Variants in TSPAN9 observed in about 807,000 individuals in gnomAD.
The protein encoded by TSPAN9 is tetraspanin-9.
TSPAN9 carries 16 observed loss-of-function variants against 31.0 expected under a neutral mutation model. The observed-to-expected ratio is 0.52, with a 90% CI of 0.35 to 0.78. The LOEUF (loss-of-function observed/expected upper bound fraction) is 0.78. Ranked by LOEUF, TSPAN9 falls within the 30% of genes least tolerant of loss-of-function variation. The pLI is 0.01. For missense variants in TSPAN9, 272 were observed against 312.5 expected, an observed-to-expected ratio of 0.87 and a Z score of 0.98; for synonymous variants, 145 against 121.6, an observed-to-expected ratio of 1.19 and a Z score of -1.27.
chr12:3,208,887 G>A (rs755625020), intron 3 of TSPAN9, among the ~76,000 whole-genome samples: 2 of 152,146 alleles, frequency 1.3e-5, no homozygotes, highest in African/African-American at 4.8e-5. Flanking sequence ...GCATCATTTA[G>A]TTTGACTGAT....
chr12:3,245,941 A>G (rs917934929), intron 3 of TSPAN9, among the ~76,000 whole-genome samples: 1 of 151,896 alleles, frequency 6.6e-6, no homozygotes, highest in Admixed American at 6.5e-5. Context: ...TCTGCCCAGC[A>G]AAGATTCTTC....
At chr12:3,282,990 G>T in intron 8 of TSPAN9, 55 bp from the exon 9 acceptor site, 1 of 1,585,078 alleles carries the variant, frequency 6.3e-7, no homozygotes, top group Non-Finnish European at 8.6e-7. Flanking sequence ...TCGGGGCTGA[G>T]GTCAGGTCCA....
intron 2 of TSPAN9, among the ~76,000 whole-genome samples, chr12:3,193,390 G>A (rs180917996): frequency 3.9e-5 from 6 of 152,320 alleles, no homozygotes; most frequent in Non-Finnish European, 5.9e-5. Context: ...ACTCCTGGCT[G>A]GGGCAGGATT....
At chr12:3,238,937 C>T (rs746552346) in intron 3 of TSPAN9, among the ~76,000 whole-genome samples, 1 of 152,138 alleles carries the variant, frequency 6.6e-6, no homozygotes, top group African/African-American at 2.4e-5. Context: ...TCCCTGAGAA[C>T]ATGCAGGCCC....
At chr12:3,174,966 C>G (rs375391191) in intron 2 of TSPAN9, among the ~76,000 whole-genome samples, 1 of 151,944 alleles carries the variant, frequency 6.6e-6, no homozygotes, top group African/African-American at 2.4e-5. Flanking sequence ...CCTTACACCC[C>G]CTGCCCTGCC....
At chr12:3,079,273 T>G (rs935770769) in intron 1 of TSPAN9, among the ~76,000 whole-genome samples, 1 of 152,030 alleles carries the variant, frequency 6.6e-6, no homozygotes, top group Non-Finnish European at 1.5e-5. Flanking sequence ...GCCACCGCAT[T>G]GGCTGAAGTT....
intron 3 of TSPAN9, among the ~76,000 whole-genome samples, chr12:3,244,910 C>T (rs576963432): frequency 3.9e-4 from 60 of 152,316 alleles, no homozygotes; most frequent in African/African-American, 1.4e-3. Flanking sequence ...TCTCAGCATC[C>T]AGTATTGTGC....
chr12:3,247,301 C>CG (rs1446144242), intron 3 of TSPAN9, among the ~76,000 whole-genome samples: 1,840 of 13,280 alleles, frequency 0.14, 326 homozygotes, highest in Non-Finnish European at 0.23. Context: ...ACTGGCCAGC[C>CG]CCCCCCCCCC....
At chr12:3,131,092 A>C (rs1009210880) in intron 2 of TSPAN9, among the ~76,000 whole-genome samples, 1 of 150,866 alleles carries the variant, frequency 6.6e-6, no homozygotes, top group African/African-American at 2.4e-5. Context: ...CTGCTGAGAC[A>C]GTCTCCTCCA....
At chr12:3,101,644 G>A (rs1344576238) in intron 2 of TSPAN9, among the ~76,000 whole-genome samples, 2 of 152,156 alleles carry the variant, frequency 1.3e-5, no homozygotes, top group African/African-American at 4.8e-5. Flanking sequence ...CGGACTGGCT[G>A]CTACCACCCC....
chr12:3,106,753 A>AGAGT (rs201713041), intron 2 of TSPAN9, among the ~76,000 whole-genome samples: 5,847 of 152,238 alleles, frequency 0.038, 385 homozygotes, highest in African/African-American at 0.13. Flanking sequence ...CCTGGGCAAC[A>AGAGT]GAGTGAGACC....
At chr12:3,131,063 C>T (rs930303478) in intron 2 of TSPAN9, among the ~76,000 whole-genome samples, 15 of 151,218 alleles carry the variant, frequency 9.9e-5, no homozygotes, top group African/African-American at 1.7e-4. Context: ...CCTCCTTTGA[C>T]GGGGTACACA....
chr12:3,109,088 A>C (rs1455110863), intron 2 of TSPAN9, among the ~76,000 whole-genome samples: 2 of 151,924 alleles, frequency 1.3e-5, no homozygotes, highest in Non-Finnish European at 2.9e-5. Flanking sequence ...GGCACTCGCC[A>C]CCACGCCCGG....
chr12:3,253,235 A>C, intron 3 of TSPAN9, among the ~76,000 whole-genome samples: 1 of 152,216 alleles, frequency 6.6e-6, no homozygotes, highest in East Asian at 1.9e-4. Flanking sequence ...AAGAAAACCA[A>C]ATAAAAAGAC....
At chr12:3,223,779 C>T (rs908087421) in intron 3 of TSPAN9, among the ~76,000 whole-genome samples, 3 of 152,154 alleles carry the variant, frequency 2.0e-5, no homozygotes, top group East Asian at 1.9e-4. Context: ...TCAGCCGTGG[C>T]GGCGGCAGCT....
chr12:3,116,023 A>G (rs2098322173), intron 2 of TSPAN9, among the ~76,000 whole-genome samples: 1 of 152,206 alleles, frequency 6.6e-6, no homozygotes, highest in African/African-American at 2.4e-5. Flanking sequence ...TTAAGCGGAC[A>G]CATTTCTGAT....
At chr12:3,104,286 T>C (rs74057530) in intron 2 of TSPAN9, among the ~76,000 whole-genome samples, 5,863 of 151,836 alleles carry the variant, frequency 0.039, 392 homozygotes, top group African/African-American at 0.13. Context: ...TCAAAAGGAT[T>C]GCTGTGGCTG....
rs535028074 is a variant in TSPAN9 at position 3,244,422 on chromosome 12, A to G, written c.64-33999A>G. On this transcript the variant is annotated intron_variant, in intron 3 of 8. Coordinates refer to ENST00000011898, the MANE Select transcript of TSPAN9 (RefSeq NM_006675.5). Reference sequence around the variant, plus strand: ...GCTCCACCCCAGCCGGAAGGAGGCCATGTCCTTATTCTCTGCCAGCCGCAG... The same window carrying G: ...GCTCCACCCCAGCCGGAAGGAGGCCGTGTCCTTATTCTCTGCCAGCCGCAG... Among the ~76,000 whole-genome samples, 17 of 152,264 alleles carry G rather than the reference A, an allele frequency of 1.1e-4. No individual in the cohort carries two copies. In the East Asian group the frequency reaches 3.1e-3, roughly 28 times the overall value.
intron 2 of TSPAN9, among the ~76,000 whole-genome samples, chr12:3,188,297 C>G (rs914904543): frequency 5.3e-5 from 8 of 152,206 alleles, no homozygotes; most frequent in African/African-American, 1.9e-4. Flanking sequence ...AGTGTCTCCC[C>G]GGGTTCCACA....
Sources: allele counts gnomAD v4.1 joint callset (sites outside exome capture counted in the v4.1 genomes callset), GRCh38; gene constraint gnomAD v4.1.1; transcripts MANE v1.5; gene names NCBI Gene and HGNC (gene_info 2026-07-23, HGNC 2026-07-21).